Variants in CADM2 observed in about 807,000 individuals in gnomAD.
CADM2 encodes the protein immunoglobulin superfamily member 4D.
In CADM2, 12 loss-of-function variants were observed where a neutral mutation model predicts 49.8. That is an observed-to-expected ratio of 0.24 (90% CI 0.15 to 0.39). The LOEUF (loss-of-function observed/expected upper bound fraction) is 0.39, where lower values mean the gene tolerates loss of function less well. Among genes scored for constraint, CADM2 ranks in the 10% least tolerant of loss-of-function variants. CADM2 has a pLI of 1.00. For synonymous variants in CADM2, 214 were observed against 175.4 expected, an observed-to-expected ratio of 1.22 and a Z score of -1.74; for missense variants, 378 against 492.3, an observed-to-expected ratio of 0.77 and a Z score of 2.20.
intron 1 of CADM2, among the ~76,000 whole-genome samples, chr3:85,662,648 T>A (rs890801727): frequency 1.3e-5 from 2 of 152,088 alleles, no homozygotes; most frequent in Non-Finnish European, 2.9e-5. Flanking sequence ...GTTCTTTGCC[T>A]GAGGACTTTG....
chr3:86,025,810 G>T (rs1429791642), intron 8 of CADM2, among the ~76,000 whole-genome samples: 2 of 151,894 alleles, frequency 1.3e-5, no homozygotes, highest in East Asian at 3.9e-4. Context: ...TAATAATCTG[G>T]AACTAAACAT....
chr3:85,819,391 G>C (rs182745130), intron 3 of CADM2, among the ~76,000 whole-genome samples: 1 of 152,182 alleles, frequency 6.6e-6, no homozygotes, highest in East Asian at 1.9e-4. Context: ...AATCCAATCA[G>C]GTTGACACTT....
chr3:85,899,861 T>C (rs1715858536), intron 5 of CADM2, among the ~76,000 whole-genome samples: 1 of 152,200 alleles, frequency 6.6e-6, no homozygotes, highest in Non-Finnish European at 1.5e-5. Context: ...CCAGCCTCAG[T>C]TTCCTTACAC....
intron 3 of CADM2, among the ~76,000 whole-genome samples, chr3:85,824,631 A>C (rs761458050): frequency 2.8e-4 from 43 of 152,094 alleles, no homozygotes; most frequent in Admixed American, 9.9e-4. Context: ...GAAAGGGAAA[A>C]TCACTTGTAA....
intron 2 of CADM2, among the ~76,000 whole-genome samples, chr3:85,756,492 T>C (rs926795079): frequency 2.0e-5 from 3 of 152,176 alleles, no homozygotes; most frequent in Non-Finnish European, 4.4e-5. Context: ...TTTGACATTG[T>C]CAGTTATGCT....
chr3:85,446,455 C>G (rs1361823197), intron 1 of CADM2, among the ~76,000 whole-genome samples: 1 of 152,068 alleles, frequency 6.6e-6, no homozygotes, highest in African/African-American at 2.4e-5. Context: ...CTTGTAGCAC[C>G]ATTTAACCAC....
At chr3:85,239,451 ACTG>A (rs960452976) in intron 1 of CADM2, among the ~76,000 whole-genome samples, 3 of 151,664 alleles carry the variant, frequency 2.0e-5, no homozygotes, top group Admixed American at 6.6e-5. Context: ...AGAAGTAAAA[ACTG>A]CTTTACTGAT....
At chr3:85,134,273 C>A (rs1040969628) in intron 1 of CADM2, among the ~76,000 whole-genome samples, 31 of 152,198 alleles carry the variant, frequency 2.0e-4, no homozygotes, top group African/African-American at 7.5e-4. Flanking sequence ...CTGAGGGAGC[C>A]GGCTCTGGCC....
chr3:86,008,481 TTTTA>T (rs1173021603), intron 8 of CADM2, among the ~76,000 whole-genome samples: 2 of 152,134 alleles, frequency 1.3e-5, no homozygotes, highest in Non-Finnish European at 2.9e-5. Context: ...TTTATGTGCA[TTTTA>T]TTTTGTTTAT....
intron 3 of CADM2, among the ~76,000 whole-genome samples, chr3:85,872,410 A>C (rs2075963789): frequency 6.6e-6 from 1 of 151,678 alleles, no homozygotes; most frequent in Non-Finnish European, 1.5e-5. Context: ...TGAATTTCAC[A>C]TGTGTCTAAT....
chr3:85,328,172 A>C, intron 1 of CADM2, among the ~76,000 whole-genome samples: 1 of 152,090 alleles, frequency 6.6e-6, no homozygotes, highest in East Asian at 1.9e-4. Context: ...AGCTTTTGAA[A>C]CCCTTAGTGT....
intron 8 of CADM2, among the ~76,000 whole-genome samples, chr3:85,966,986 T>C (rs1559771899): frequency 6.6e-6 from 1 of 151,858 alleles, no homozygotes; most frequent in East Asian, 1.9e-4. Flanking sequence ...TCTATGTGCT[T>C]TGATCTACTA....
At chr3:85,421,189 G>T (rs796335509) in intron 1 of CADM2, among the ~76,000 whole-genome samples, 4 of 152,138 alleles carry the variant, frequency 2.6e-5, no homozygotes, top group African/African-American at 9.6e-5. Context: ...GAATGTTAGT[G>T]GATTTTACTT....
At chr3:85,683,961 G>A (rs978661767) in intron 1 of CADM2, among the ~76,000 whole-genome samples, 3 of 152,118 alleles carry the variant, frequency 2.0e-5, no homozygotes, top group African/African-American at 7.2e-5. Context: ...TGTGTCTGTA[G>A]TGCTATAGCA....
intron 1 of CADM2, among the ~76,000 whole-genome samples, chr3:85,126,454 A>G (rs2039037537): frequency 6.6e-6 from 1 of 152,110 alleles, no homozygotes; most frequent in Non-Finnish European, 1.5e-5. Context: ...GGAGTTCGGC[A>G]GTTCACATTT....
At chr3:85,408,743 C>T (rs1662053740) in intron 1 of CADM2, among the ~76,000 whole-genome samples, 1 of 152,088 alleles carries the variant, frequency 6.6e-6, no homozygotes, top group South Asian at 2.1e-4. Flanking sequence ...TTAATTTTCC[C>T]TCACATCTGA....
chr3:85,249,772 T>G (rs1422937407), intron 1 of CADM2, among the ~76,000 whole-genome samples: 2 of 151,928 alleles, frequency 1.3e-5, no homozygotes, highest in African/African-American at 4.8e-5. Context: ...TTTAAAAATC[T>G]CAATTGTTAT....
At chr3:85,075,830 A>G (rs2036920651) in intron 1 of CADM2, among the ~76,000 whole-genome samples, 1 of 152,190 alleles carries the variant, frequency 6.6e-6, no homozygotes, top group Non-Finnish European at 1.5e-5. Flanking sequence ...ACAACTATTG[A>G]ATTAAAATTC....
chr3:85,678,065 T>C (rs1296820143), intron 1 of CADM2, among the ~76,000 whole-genome samples: 1 of 152,190 alleles, frequency 6.6e-6, no homozygotes, highest in East Asian at 1.9e-4. Flanking sequence ...AAGAATAGTA[T>C]AATACTATGT....
Sources: gnomAD v4.1 joint callset for allele counts (sites outside exome capture counted in the v4.1 genomes callset) on GRCh38, gnomAD v4.1.1 for gene constraint, MANE v1.5 for transcripts, NCBI Gene and HGNC (gene_info 2026-07-23, HGNC 2026-07-21) for gene names.